The following GATA6 variants were observed in gnomAD, a reference collection of about 807,000 sequenced individuals.
GATA6 encodes the protein transcription factor GATA-6.
GATA6 carries 11 observed loss-of-function variants against 48.1 expected under a neutral mutation model. The observed-to-expected ratio is 0.23, with a 90% CI of 0.14 to 0.38. The LOEUF is 0.38. Among genes scored for constraint, GATA6 ranks in the 10% least tolerant of loss-of-function variants. The pLI is 1.00. For missense variants in GATA6, 795 were observed against 850.3 expected, an observed-to-expected ratio of 0.93 and a Z score of 0.81; for synonymous variants, 419 against 396.1, an observed-to-expected ratio of 1.06 and a Z score of -0.69.
intron 4 of GATA6, 120 bp from the exon 5 acceptor site, chr18:22,182,637 C>T (rs369432861): frequency 9.6e-5 from 69 of 720,620 alleles, no homozygotes; most frequent in African/African-American, 3.6e-4. Flanking sequence ...GGATTAGAGG[C>T]GTGAGCCACT....
intron 6 of GATA6, among the ~76,000 whole-genome samples, chr18:22,199,412 G>A (rs2033428780): frequency 1.3e-5 from 2 of 152,114 alleles, no homozygotes; most frequent in African/African-American, 2.4e-5. Flanking sequence ...GAAGGAAAAA[G>A]GTGATTTTAA....
In GATA6 at chr18:22,172,008, G is replaced by C. The variant is rs2033058289; in HGVS notation, c.864G>C (p.Gly288=). 8.1e-7 allele frequency: 1 copy of C among 1,237,834 alleles called. No homozygotes were observed. Among genetic ancestry groups the C allele is most frequent in the African/African-American group, 1.6e-5 (1 of 64,104 alleles). 76.7% of individuals were successfully genotyped at this position (1,237,834 alleles called of 1,614,324 possible). Residue 288 remains glycine (G), a synonymous_variant, in exon 2 of 7, where the codon GGG becomes GGC. Coordinates refer to ENST00000269216, the MANE Select transcript of GATA6 (RefSeq NM_005257.6). The surrounding 1 kb of genome is among the most constrained non-coding windows in gnomAD (Gnocchi z 5.2). ...EPGGYAAAGS[G]GAGGVSGGGS... Reference sequence around the variant, plus strand: ...GAGGCTACGCGGCGGCGGGCAGTGGGGGCGCGGGAGGCGTGAGCGGCGGCG... The same window carrying C: ...GAGGCTACGCGGCGGCGGGCAGTGGCGGCGCGGGAGGCGTGAGCGGCGGCG...
At chr18:22,177,317 A>C (rs948741320) in intron 3 of GATA6, among the ~76,000 whole-genome samples, 196 bp downstream of exon 3, 16 of 152,304 alleles carry the variant, frequency 1.1e-4, no homozygotes, top group African/African-American at 3.8e-4. Context: ...CTGGCGCCCA[A>C]GTAGAAGTTA....
At chr18:22,182,294 G>A (rs2033207136) in intron 4 of GATA6, among the ~76,000 whole-genome samples, 1 of 151,374 alleles carries the variant, frequency 6.6e-6, no homozygotes, top group Non-Finnish European at 1.5e-5. Flanking sequence ...TGTAGTCTTT[G>A]TGCACTTGGG....
intron 6 of GATA6, among the ~76,000 whole-genome samples, chr18:22,200,113 G>A (rs1340218351): frequency 6.6e-6 from 1 of 152,046 alleles, no homozygotes; most frequent in African/African-American, 2.4e-5. Flanking sequence ...AGGGAATGTT[G>A]AACTGTGCAG....
rs1013042955 is a variant in GATA6, at chr18:22,170,840, CGCGGGGACCGGA to C, written c.-37-263_-37-252del. ...CGGCCGAGGGGGTGGGCGGGGAGGA[CGCGGGGACCGGA>C]GCGGTGCCTTTGAGGGAGGGCTGGT... On this transcript the variant is annotated intron_variant, in intron 1 of 6. Transcript: ENST00000269216. This position sits in a 1 kb window ranked among gnomAD's most constrained non-coding sequence, Gnocchi z 6.7. The C allele has an allele frequency of 2.1e-6, 1 of 485,748 alleles. No homozygotes were observed. Among genetic ancestry groups the C allele is most frequent in the African/African-American group, 2.0e-5 (1 of 50,552 alleles). 30.1% of individuals were successfully genotyped at this position (485,748 alleles called of 1,614,324 possible). A position where few individuals can be genotyped will look rare whatever the true frequency, so the allele number is the denominator to read the frequency against.
Position 22,170,098 on chromosome 18 carries a change from C to T in GATA6, c.-38+416C>T, listed in dbSNP as rs1451357383. 2.0e-5 allele frequency among the ~76,000 whole-genome samples: 3 copies of T among 152,206 alleles called. No individual in the cohort carries two copies. The highest frequency in any genetic ancestry group is 7.2e-5 in the African/African-American group (3 of 41,450). Reference sequence around the variant, plus strand: ...CAGCCCGGCTGCATTTCACCTCCCTCCCCCACTCGCTCCGAGTCTCCCTGT... The same window carrying T: ...CAGCCCGGCTGCATTTCACCTCCCTTCCCCACTCGCTCCGAGTCTCCCTGT... On this transcript the variant is annotated intron_variant, in intron 1 of 6. Coordinates refer to ENST00000269216, the MANE Select transcript of GATA6 (RefSeq NM_005257.6). This position sits in a 1 kb window ranked among gnomAD's most constrained non-coding sequence, Gnocchi z 6.7.
intron 6 of GATA6, among the ~76,000 whole-genome samples, chr18:22,191,963 G>A (rs933482023): frequency 2.6e-5 from 4 of 152,208 alleles, no homozygotes; most frequent in Admixed American, 6.5e-5. Context: ...GCCTGGCACG[G>A]TTTCACCAGA....
chr18:22,175,905 A>G (rs1181883830), intron 2 of GATA6, among the ~76,000 whole-genome samples: 1 of 152,184 alleles, frequency 6.6e-6, no homozygotes, highest in Non-Finnish European at 1.5e-5. Flanking sequence ...TCTATAATCT[A>G]AAGAACCTTA....
At chr18:22,195,505 C>T (rs985812546) in intron 6 of GATA6, among the ~76,000 whole-genome samples, 2 of 152,114 alleles carry the variant, frequency 1.3e-5, no homozygotes, top group African/African-American at 4.8e-5. Flanking sequence ...ACTTTCAATG[C>T]CAAAAACTGC....
chr18:22,191,578 G>C (rs919404010), intron 6 of GATA6, among the ~76,000 whole-genome samples: 1 of 152,166 alleles, frequency 6.6e-6, no homozygotes, highest in Non-Finnish European at 1.5e-5. Flanking sequence ...CTAGCAGTAT[G>C]AAGATCCAGT....
chr18:22,197,541 A>G (rs1236691176), intron 6 of GATA6, among the ~76,000 whole-genome samples: 1 of 152,042 alleles, frequency 6.6e-6, no homozygotes, highest in East Asian at 1.9e-4. Flanking sequence ...AGGCCAGGTG[A>G]CCACCTCTCT....
rs1042018694 is a variant in GATA6 at position 22,172,362 on chromosome 18, C to T, written c.1135+83C>T. The T allele has an allele frequency of 3.0e-5, 44 of 1,488,680 alleles. No individual in the cohort carries two copies. The Middle Eastern group carries it at 7.2e-4, about 24-fold the overall frequency. 92.2% of individuals were successfully genotyped at this position (1,488,680 alleles called of 1,614,324 possible). A position where few individuals can be genotyped will look rare whatever the true frequency, so the allele number is the denominator to read the frequency against. On this transcript the variant is annotated intron_variant, in intron 2 of 6. Coordinates refer to ENST00000269216, the MANE Select transcript of GATA6 (RefSeq NM_005257.6). The surrounding 1 kb of genome is among the most constrained non-coding windows in gnomAD (Gnocchi z 5.2). ...ACGTGGAGCAGCTGCTCCACTCGGG[C>T]CCTGTTTTCAGGACTTTCTCGTCCG...
chr18:22,170,275 T>C lies in GATA6; in HGVS notation c.-38+593T>C, dbSNP rs1314095067. On this transcript the variant is annotated intron_variant, in intron 1 of 6. Coordinates refer to ENST00000269216, the MANE Select transcript of GATA6 (RefSeq NM_005257.6). The surrounding 1 kb of genome is among the most constrained non-coding windows in gnomAD (Gnocchi z 6.7). The stretch of plus-strand genomic sequence containing the variant: ...CGGAACGGTCCGGCGTTTCTGCTGC[T>C]GGAGATGACCGCGGGGTGGGCCGGG... 6.6e-6 allele frequency among the ~76,000 whole-genome samples: 1 copy of C among 152,124 alleles called. No homozygotes were observed. Among genetic ancestry groups the C allele is most frequent in the Non-Finnish European group, 1.5e-5 (1 of 68,004 alleles).
chr18:22,191,033 G>T lies in GATA6; in HGVS notation c.1620+7990G>T, dbSNP rs1296382531. 3.3e-3 allele frequency among the ~76,000 whole-genome samples: 36 copies of T among 10,952 alleles called. No individual in the cohort carries two copies. In the African/African-American group the frequency reaches 0.044, roughly 13 times the overall value. 7.2% of individuals were successfully genotyped at this position (10,952 alleles called of 152,430 possible). The stretch of plus-strand genomic sequence containing the variant: ...TCCTTTTTTTTTTTTTTTAAATCTC[G>T]TGTGTGTGTGTGTGTGTGTGTGTGT... On this transcript the variant is annotated intron_variant, in intron 6 of 6. Transcript: ENST00000269216.
At position 22,171,751 on chromosome 18, in the gene GATA6, T is replaced by A; in HGVS notation, c.607T>A (p.Tyr203Asn). ...GGGTTCCATGCTGCCCGGCCTACCG[T>A]ACCACCTGCAGGGGTCGGGCAGTGG... Reference protein sequence around the residue: ...RVGSMLPGLPYHLQGSGSGPA... With the variant: ...RVGSMLPGLPNHLQGSGSGPA... The change falls in exon 2 of 7, where the codon TAC (tyrosine) becomes AAC (asparagine). Residue 203 changes from tyrosine to asparagine, a missense_variant. Physicochemically the swap from Tyr to Asn is moderately radical, Grantham distance 143 (BLOSUM62 -2). Coordinates refer to ENST00000269216, the MANE Select transcript of GATA6 (RefSeq NM_005257.6). This position sits in a 1 kb window ranked among gnomAD's most constrained non-coding sequence, Gnocchi z 7.1. The A allele has an allele frequency of 6.9e-7, 1 of 1,451,616 alleles. No individual in the cohort carries two copies. The highest frequency in any genetic ancestry group is 2.4e-4 in the Middle Eastern group (1 of 4,124). 89.9% of individuals were successfully genotyped at this position (1,451,616 alleles called of 1,614,324 possible). A position where few individuals can be genotyped will look rare whatever the true frequency, so the allele number is the denominator to read the frequency against.
At chr18:22,186,931 A>G (rs1179202686) in intron 6 of GATA6, among the ~76,000 whole-genome samples, 3 of 152,228 alleles carry the variant, frequency 2.0e-5, no homozygotes, top group African/African-American at 4.8e-5. Context: ...TAGGCTGTGC[A>G]TGTGCTGGAG....
intron 2 of GATA6, among the ~76,000 whole-genome samples, chr18:22,173,322 C>CT (rs1032765463): frequency 6.6e-5 from 10 of 152,124 alleles, no homozygotes; most frequent in East Asian, 1.9e-4. Context: ...GAAACAACAT[C>CT]TTTTTTTATT....
At chr18:22,177,214 C>T (rs2033134274) in intron 3 of GATA6, 93 bp downstream of exon 3, 13 of 1,247,826 alleles carry the variant, frequency 1.0e-5, no homozygotes, top group Admixed American at 9.7e-5. Flanking sequence ...CCTTGGGCGT[C>T]CCCCTCCCAG....
Sources: gnomAD v4.1 joint callset for allele counts (sites outside exome capture counted in the v4.1 genomes callset) on GRCh38, gnomAD v4.1.1 for gene constraint, Gnocchi (gnomAD v3.1) non-coding constraint, MANE v1.5 for transcripts, NCBI Gene and HGNC (gene_info 2026-07-23, HGNC 2026-07-21) for gene names.